The following MRPS7 variants were observed in gnomAD, a reference collection of about 807,000 sequenced individuals.
MRPS7 encodes small ribosomal subunit protein uS7m.
In MRPS7, 13 loss-of-function variants were observed where a neutral mutation model predicts 26.2. The ratio of observed to expected loss-of-function variants is 0.50; its 90% confidence interval spans 0.32 to 0.79. MRPS7 has a LOEUF of 0.79. MRPS7 is among the 30% of genes least tolerant of loss of function. The probability of loss-of-function intolerance (pLI) is 0.03; values close to 1 mark genes in which losing one functional copy is unlikely to be tolerated. For missense variants in MRPS7, 318 were observed against 312.2 expected, an observed-to-expected ratio of 1.02 and a Z score of -0.14; for synonymous variants, 129 against 113.3, an observed-to-expected ratio of 1.14 and a Z score of -0.88.
intron 3 of MRPS7, 61 bp from the exon 4 acceptor site, chr17:75,263,279 C>G: frequency 6.3e-7 from 1 of 1,599,350 alleles, no homozygotes; most frequent in South Asian, 1.1e-5. Context: ...AAGGTACTAG[C>G]TTGGCTGGGT....
chr17:75,261,967 G>C lies in MRPS7; in HGVS notation c.67G>C (p.Val23Leu). The C allele has an allele frequency of 1.9e-6, 3 of 1,605,568 alleles. No homozygotes were observed. ...SGLALGVRRAVLQLPGLTQVR... is the reference protein window; with the variant it reads ...SGLALGVRRALLQLPGLTQVR... ...CCTGGCGTTGGGCGTGCGGCGGGCTGTCTTGCAGCTTCCAGGGTGAGAGGG... is the reference window on the plus strand; with the variant it reads ...CCTGGCGTTGGGCGTGCGGCGGGCTCTCTTGCAGCTTCCAGGGTGAGAGGG... Residue 23 changes from valine to leucine, a missense_variant, in exon 1 of 5, where the codon GTC becomes CTC. Transcript: ENST00000245539.
intron 4 of MRPS7, chr17:75,264,217 A>G (rs4788878): frequency 0.82 from 123,969 of 151,430 alleles, 50,934 homozygotes; most frequent in East Asian, 0.94. Context: ...CGGTCCACTC[A>G]TCTGAGTCCT....
At chr17:75,265,681 C>A in intron 4 of MRPS7, 21 bp from the exon 5 acceptor site, 1 of 1,607,808 alleles carries the variant, frequency 6.2e-7, no homozygotes, top group South Asian at 1.1e-5. Context: ...GACCAACTTG[C>A]CTATGTCCTG....
In MRPS7 at chr17:75,265,813, C is replaced by T; in HGVS notation, c.619C>T (p.His207Tyr). The change falls in exon 5 of 5, where the codon CAC becomes TAC. Residue 207 changes from histidine (H) to tyrosine (Y), a missense_variant. By Grantham distance (83) the His-to-Tyr change is moderately conservative. Coordinates refer to ENST00000245539, the MANE Select transcript of MRPS7 (RefSeq NM_015971.4). The stretch of plus-strand genomic sequence containing the variant: ...GACACTGATGCCGGAGAAGCTGTCA[C>T]ACAAGCTGCTGGAGGCTTTCCATAA... ...QRTLMPEKLS[H>Y]KLLEAFHNQG... The T allele has an allele frequency of 6.2e-7, 1 of 1,614,182 alleles. No homozygotes were observed. The highest frequency in any genetic ancestry group is 8.5e-7 in the Non-Finnish European group (1 of 1,180,040).
At position 75,262,477 on chromosome 17, in the gene MRPS7, C is replaced by T. The variant is rs749704857; in HGVS notation, c.84-20C>T. The T allele has an allele frequency of 1.9e-6, 3 of 1,611,086 alleles. No homozygotes were observed. In the South Asian group the frequency reaches 3.3e-5, roughly 18 times the overall value. ...TGTGGAGTCAGCTTTTGCCTGCCTCCTCCTTTCCCCCCCTCCCAGGCTAAC... is the reference window on the plus strand; with the variant it reads ...TGTGGAGTCAGCTTTTGCCTGCCTCTTCCTTTCCCCCCCTCCCAGGCTAAC... On this transcript the variant is annotated intron_variant, in intron 1 of 4. Transcript: ENST00000245539.
chr17:75,263,141 C>T (rs763042428), intron 3 of MRPS7, 199 bp from the exon 4 acceptor site: 166 of 672,178 alleles, frequency 2.5e-4, no homozygotes, highest in Non-Finnish European at 3.7e-4. Context: ...CCCCTCCATG[C>T]CACAAATCTC....
rs2077425756 is a variant in MRPS7 at position 75,262,648 on chromosome 17, G to A, written c.235G>A (p.Ala79Thr). The change falls in exon 2 of 5, where the codon GCA becomes ACA. Residue 79 changes from alanine (A) to threonine (T), a missense_variant. By Grantham distance (58) the Ala-to-Thr change is moderately conservative (BLOSUM62 0). Transcript: ENST00000245539. The stretch of plus-strand genomic sequence containing the variant: ...GACTCAGCTCATCAAAGCTGCTCCA[G>A]CAGGGAAAACAAGTTCTGTGTTTGA... ...KKTQLIKAAPAGKTSSVFEDP... is the reference protein window; with the variant it reads ...KKTQLIKAAPTGKTSSVFEDP... 2 of 1,614,156 alleles carry A rather than the reference G, an allele frequency of 1.2e-6. No individual in the cohort carries two copies. The highest frequency in any genetic ancestry group is 1.1e-5 in the South Asian group (1 of 91,084).
Position 75,266,342 on chromosome 17 carries a change from T to C in MRPS7, c.*419T>C. 1 of 361,362 alleles carries C rather than the reference T, an allele frequency of 2.8e-6. No homozygotes were observed. The highest frequency in any genetic ancestry group is 2.8e-5 in the South Asian group (1 of 35,240). The allele number at this position is 361,362 out of a possible 1,614,324, so 22.4% of individuals were successfully genotyped here. A position where few individuals can be genotyped will look rare whatever the true frequency, so the allele number is the denominator to read the frequency against. ...ATAGGCTTGTTTCCAGAGTTGTCCT[T>C]ATACAAAATGTATAAAAAGCAGTTT... On this transcript the variant is annotated 3_prime_UTR_variant, in exon 5 of 5. Coordinates refer to ENST00000245539, the MANE Select transcript of MRPS7 (RefSeq NM_015971.4).
In MRPS7 at chr17:75,263,423, C is replaced by T. The variant is rs748243672; in HGVS notation, c.423C>T (p.Pro141=). The T allele has an allele frequency of 1.9e-6, 3 of 1,614,110 alleles. No individual in the cohort carries two copies. The highest frequency in any genetic ancestry group is 1.7e-5 in the Admixed American group (1 of 60,018). Residue 141 remains proline (P), a synonymous_variant, in exon 4 of 5, where the codon CCC becomes CCT. Coordinates refer to ENST00000245539, the MANE Select transcript of MRPS7 (RefSeq NM_015971.4). ...AEEQATIERN[P]YTIFHQALKN... ...AACAGGCAACCATCGAACGCAACCC[C>T]TACACCATCTTCCATCAAGCACTGA...
At chr17:75,263,142 C>A in intron 3 of MRPS7, 198 bp from the exon 4 acceptor site, 1 of 679,322 alleles carries the variant, frequency 1.5e-6, no homozygotes, top group Non-Finnish European at 2.4e-6. Context: ...CCCTCCATGC[C>A]ACAAATCTCA....
chr17:75,264,836 C>T (rs774891583), intron 4 of MRPS7, among the ~76,000 whole-genome samples: 8 of 150,958 alleles, frequency 5.3e-5, no homozygotes, highest in East Asian at 2.0e-4. Context: ...TACAGGTGGC[C>T]GCCACCATGC....
At position 75,262,489 on chromosome 17, in the gene MRPS7, C is replaced by G. The variant is rs200570062; in HGVS notation, c.84-8C>G. ...TTTTGCCTGCCTCCTCCTTTCCCCC[C>G]CTCCCAGGCTAACTCAGGTGAGATG... On this transcript the variant is annotated splice_region_variant and splice_polypyrimidine_tract_variant and intron_variant, in intron 1 of 4. Coordinates refer to ENST00000245539, the MANE Select transcript of MRPS7 (RefSeq NM_015971.4). 4.1e-4 allele frequency: 661 copies of G among 1,612,360 alleles called. No individual in the cohort carries two copies. Among genetic ancestry groups the G allele is most frequent in the Middle Eastern group, 8.3e-4 (5 of 6,056 alleles).
At chr17:75,264,488 T>A (rs1160687804) in intron 4 of MRPS7, 1 of 152,258 alleles carries the variant, frequency 6.6e-6, no homozygotes, top group East Asian at 1.9e-4. Context: ...TATTTTATTG[T>A]CCTGAGTTTT....
At position 75,261,960 on chromosome 17, in the gene MRPS7, G is replaced by A. The variant is rs759961910; in HGVS notation, c.60G>A (p.Arg20=). 5 of 1,607,052 alleles carry A rather than the reference G, an allele frequency of 3.1e-6. No homozygotes were observed. The South Asian group carries it at 4.4e-5, about 14-fold the overall frequency. Residue 20 remains arginine (R), a synonymous_variant, in exon 1 of 5, where the codon CGG becomes CGA. Transcript: ENST00000245539. ...RGWSGLALGV[R]RAVLQLPGLT... Reference sequence around the variant, plus strand: ...GGTCGGGCCTGGCGTTGGGCGTGCGGCGGGCTGTCTTGCAGCTTCCAGGGT... The same window carrying A: ...GGTCGGGCCTGGCGTTGGGCGTGCGACGGGCTGTCTTGCAGCTTCCAGGGT...
chr17:75,264,719 C>G (rs1330241959), intron 4 of MRPS7, among the ~76,000 whole-genome samples: 2 of 148,126 alleles, frequency 1.4e-5, no homozygotes, highest in Non-Finnish European at 3.0e-5. Flanking sequence ...GTTGCCCAGA[C>G]TGGAGTGCAG....
chr17:75,263,506 AGG>A lies in MRPS7; in HGVS notation c.507_507+1del. 1.2e-6 allele frequency: 2 copies of A among 1,613,926 alleles called. No homozygotes were observed. Among genetic ancestry groups the A allele is most frequent in the Non-Finnish European group, 1.7e-6 (2 of 1,180,010 alleles). On this transcript the variant is annotated splice_donor_variant and coding_sequence_variant, in exon 4 of 5. Transcript: ENST00000245539. LOFTEE classifies it high-confidence loss of function. ...ATCCTCAAGGGAGGCCGTTTCTACC[AGG>A]TGAATGAATGGCCAGGGCAAGAAAG...
chr17:75,263,539 C>G, intron 4 of MRPS7, 32 bp downstream of exon 4: 1 of 1,612,718 alleles, frequency 6.2e-7, no homozygotes, highest in Non-Finnish European at 8.5e-7. Context: ...GAAAGCAGGG[C>G]CCTCCACATG....
chr17:75,265,785 G>A lies in MRPS7; in HGVS notation c.591G>A (p.Gln197=). Residue 197 remains glutamine (Q), a synonymous_variant, in exon 5 of 5, where the codon CAG becomes CAA. Transcript: ENST00000245539. ...CTGAGTGCCGGGATAAAAAGCACCA[G>A]CGGACACTGATGCCGGAGAAGCTGT... ...MITECRDKKH[Q]RTLMPEKLSH... 1 of 1,614,198 alleles carries A rather than the reference G, an allele frequency of 6.2e-7. No homozygotes were observed. Among genetic ancestry groups the A allele is most frequent in the Non-Finnish European group, 8.5e-7 (1 of 1,180,050 alleles).
Position 75,265,943 on chromosome 17 carries a change from G to A in MRPS7, c.*20G>A. 1 of 1,609,570 alleles carries A rather than the reference G, an allele frequency of 6.2e-7. No individual in the cohort carries two copies. The highest frequency in any genetic ancestry group is 8.5e-7 in the Non-Finnish European group (1 of 1,177,410). ...TGGTAGAGTCTCCAGGAGGAGCCCA[G>A]GGCCCTCTGCCGCAAGAAACAGTGT... is the stretch of plus-strand genomic sequence containing the variant. On this transcript the variant is annotated 3_prime_UTR_variant, in exon 5 of 5. Transcript: ENST00000245539.
Sources: allele counts gnomAD v4.1 joint callset (sites outside exome capture counted in the v4.1 genomes callset), GRCh38; gene constraint gnomAD v4.1.1; transcripts MANE v1.5; gene names NCBI Gene and HGNC (gene_info 2026-07-23, HGNC 2026-07-21).